DNAH9: variants seen among roughly 807,000 people sequenced by gnomAD.
DNAH9 encodes the protein DNAH9 variant protein.
Under a neutral mutation model 471.6 loss-of-function variants are expected in DNAH9, and 345 were observed. The ratio of observed to expected loss-of-function variants is 0.73; its 90% CI spans 0.67 to 0.80. The LOEUF is 0.80. Ranked by LOEUF, DNAH9 falls within the 30% of genes least tolerant of loss-of-function variation. The pLI is 0.00. For missense variants in DNAH9, 5,407 were observed against 5,609.2 expected (o/e 0.96, Z 1.15); for synonymous variants, 2,093 against 2,123.6 (o/e 0.99, Z 0.40).
intron 35 of DNAH9, among the ~76,000 whole-genome samples, chr17:11,761,232 GAAAC>G (rs1967652938): frequency 6.6e-6 from 1 of 152,214 alleles, no homozygotes; most frequent in South Asian, 2.1e-4. Context: ...AAAATATAAA[GAAAC>G]AAACTCCATT....
intron 6 of DNAH9, among the ~76,000 whole-genome samples, chr17:11,627,591 C>A (rs1038628681): frequency 2.6e-5 from 4 of 152,126 alleles, no homozygotes; most frequent in African/African-American, 9.7e-5. Context: ...AAATTCATTT[C>A]GGTTTTCTTC....
At chr17:11,872,238 C>T (rs1030055489) in intron 52 of DNAH9, among the ~76,000 whole-genome samples, 2 of 152,122 alleles carry the variant, frequency 1.3e-5, no homozygotes, top group South Asian at 2.1e-4. Flanking sequence ...TCACAGATAT[C>T]CTTCGTCGGC....
chr17:11,763,220 T>C (rs1361580768), intron 35 of DNAH9, among the ~76,000 whole-genome samples: 1 of 151,928 alleles, frequency 6.6e-6, no homozygotes, highest in African/African-American at 2.4e-5. Flanking sequence ...GATGAGAAAG[T>C]CCTCAGGAGA....
At chr17:11,902,101 G>A (rs140767086) in intron 59 of DNAH9, among the ~76,000 whole-genome samples, 1 of 152,320 alleles carries the variant, frequency 6.6e-6, no homozygotes, top group East Asian at 1.9e-4. Context: ...AATGAGTCAG[G>A]CACATTTCCA....
rs1377689288 is a variant in DNAH9 at position 11,871,746 on chromosome 17, TC to T, written c.10204del (p.Leu3402TrpfsTer9). ...TTCACAAAGAAATACCGGCAGAGCC[TC>T]CTGGACAGAACTTGGAGGCCCTACC... ...GFFTKKYRQS[L>X]LDRTWRPYLS... On this transcript the variant is annotated frameshift_variant, in exon 52 of 69. Transcript: ENST00000262442. LOFTEE classifies it high-confidence loss of function. 1 of 1,614,216 alleles carries T rather than the reference TC, an allele frequency of 6.2e-7. No homozygotes were observed. Among genetic ancestry groups the T allele is most frequent in the Non-Finnish European group, 8.5e-7 (1 of 1,180,032 alleles).
At chr17:11,739,214 C>G (rs908409234) in intron 29 of DNAH9, among the ~76,000 whole-genome samples, 177 bp downstream of exon 29, 1 of 152,202 alleles carries the variant, frequency 6.6e-6, no homozygotes, top group African/African-American at 2.4e-5. Context: ...TAATTGTGTT[C>G]TGTTCTCCTC....
At chr17:11,699,927 A>G (rs773027378) in intron 23 of DNAH9, 44 bp downstream of exon 23, 17 of 1,599,748 alleles carry the variant, frequency 1.1e-5, no homozygotes, top group Non-Finnish European at 1.4e-5. Context: ...TTCTCTCTCA[A>G]ATGCCTTCAT....
chr17:11,849,263 T>C (rs1467737738), intron 49 of DNAH9, among the ~76,000 whole-genome samples: 1 of 152,210 alleles, frequency 6.6e-6, no homozygotes, highest in African/African-American at 2.4e-5. Flanking sequence ...CCTGCCTAGA[T>C]GGCTAAGCTA....
In DNAH9 at chr17:11,763,617, A is replaced by G. The variant is rs1967811777; in HGVS notation, c.7170+3A>G. 2.5e-6 allele frequency: 4 copies of G among 1,613,654 alleles called. No homozygotes were observed. Among genetic ancestry groups the G allele is most frequent in the African/African-American group, 1.3e-5 (1 of 74,924 alleles). The stretch of plus-strand genomic sequence containing the variant: ...GCGGAGCAATGGTCCAAGATCAGGT[A>G]AGGAGATATGTTGAGCTCAACAACC... On this transcript the variant is annotated splice_donor_region_variant and intron_variant, in intron 36 of 68. Transcript: ENST00000262442.
At chr17:11,624,630 G>A (rs1327472800) in intron 6 of DNAH9, among the ~76,000 whole-genome samples, 3 of 152,184 alleles carry the variant, frequency 2.0e-5, no homozygotes, top group Admixed American at 2.0e-4. Context: ...GTGTAGCTGA[G>A]ATTTGTACCC....
At chr17:11,830,617 TAGAG>T (rs756549749) in intron 48 of DNAH9, among the ~76,000 whole-genome samples, 18 of 151,960 alleles carry the variant, frequency 1.2e-4, no homozygotes, top group South Asian at 2.1e-4. Context: ...GGTGGGAAAA[TAGAG>T]AGAGGAAAGA....
rs559576050 is a variant in DNAH9 at position 11,680,002 on chromosome 17, TATAAA to T, written c.3576+25_3576+29del. The T allele has an allele frequency of 2.8e-4, 441 of 1,577,796 alleles. 5 individuals are homozygous for T. The East Asian group carries it at 7.3e-3, about 26-fold the overall frequency. On this transcript the variant is annotated intron_variant, in intron 18 of 68. Coordinates refer to ENST00000262442, the MANE Select transcript of DNAH9 (RefSeq NM_001372.4). Reference sequence around the variant, plus strand: ...GAGGTCAGTGCATTTATGTCTTCCTTATAAAAGAAATAGAGGAAACATTTTAGGAT... The same window carrying T: ...GAGGTCAGTGCATTTATGTCTTCCTTAGAAATAGAGGAAACATTTTAGGAT...
chr17:11,763,693 G>A lies in DNAH9; in HGVS notation c.7170+79G>A, dbSNP rs191911574. ...CTGATCCTTTAGCAAAGATTTGGAA[G>A]ACAGGACAGCTAAATGTCAGAATGG... On this transcript the variant is annotated intron_variant, in intron 36 of 68. Coordinates refer to ENST00000262442, the MANE Select transcript of DNAH9 (RefSeq NM_001372.4). 7 of 1,357,182 alleles carry A rather than the reference G, an allele frequency of 5.2e-6. No individual in the cohort carries two copies. In the African/African-American group the frequency reaches 7.2e-5, roughly 14 times the overall value. The allele number at this position is 1,357,182 out of a possible 1,614,324, so 84.1% of individuals were successfully genotyped here. A position where few individuals can be genotyped will look rare whatever the true frequency, so the allele number is the denominator to read the frequency against.
At chr17:11,824,263 C>T (rs1333625690) in intron 48 of DNAH9, among the ~76,000 whole-genome samples, 5 of 152,162 alleles carry the variant, frequency 3.3e-5, no homozygotes, top group Admixed American at 1.3e-4. Context: ...TTATCTGAGC[C>T]TTTCATTTTG....
intron 10 of DNAH9, among the ~76,000 whole-genome samples, 175 bp from the exon 11 acceptor site, chr17:11,644,456 A>G (rs750997636): frequency 3.9e-5 from 6 of 152,144 alleles, no homozygotes; most frequent in South Asian, 2.1e-4. Flanking sequence ...GGAAGTGCAG[A>G]TGCCCTCTAG....
At chr17:11,682,211 A>C (rs184391069) in intron 19 of DNAH9, among the ~76,000 whole-genome samples, 89 of 152,048 alleles carry the variant, frequency 5.9e-4, no homozygotes, top group Middle Eastern at 6.8e-3. Flanking sequence ...GTCTCTTAAC[A>C]TACTCATCTT....
intron 26 of DNAH9, among the ~76,000 whole-genome samples, chr17:11,708,010 CACACAG>C (rs1218973256): frequency 3.2e-3 from 155 of 48,250 alleles, no homozygotes; most frequent in African/African-American, 8.8e-3. Flanking sequence ...CACACACACA[CACACAG>C]AGAGAGAGAG....
At chr17:11,659,414 G>C (rs2073713554) in intron 14 of DNAH9, among the ~76,000 whole-genome samples, 1 of 152,104 alleles carries the variant, frequency 6.6e-6, no homozygotes, top group Non-Finnish European at 1.5e-5. Flanking sequence ...GGAACACCAA[G>C]CTCTGTGCCA....
At chr17:11,878,148 G>A (rs1320284345) in intron 53 of DNAH9, among the ~76,000 whole-genome samples, 1 of 152,178 alleles carries the variant, frequency 6.6e-6, no homozygotes, top group Non-Finnish European at 1.5e-5. Context: ...ATTTTAGACA[G>A]GTGTATGTTC....
Sources: allele counts gnomAD v4.1 joint callset (sites outside exome capture counted in the v4.1 genomes callset), GRCh38; gene constraint gnomAD v4.1.1; transcripts MANE v1.5; gene names NCBI Gene and HGNC (gene_info 2026-07-23, HGNC 2026-07-21).